ATXN1: variants seen among roughly 807,000 people sequenced by gnomAD.
ATXN1 encodes the protein ataxin 1.
Under a neutral mutation model 56.4 loss-of-function variants are expected in ATXN1, and 8 were observed. The ratio of observed to expected loss-of-function variants is 0.14; its 90% CI spans 0.08 to 0.26. The LOEUF (loss-of-function observed/expected upper bound fraction) is 0.26, where lower values mean the gene tolerates loss of function less well. Ranked by LOEUF, ATXN1 falls within the 10% of genes least tolerant of loss-of-function variation. The pLI is 1.00. For missense variants in ATXN1, 987 were observed against 1,106.5 expected, an observed-to-expected ratio of 0.89 and a Z score of 1.53; for synonymous variants, 514 against 494.6, an observed-to-expected ratio of 1.04 and a Z score of -0.52.
rs1203585669 is a variant in ATXN1 at position 16,303,943 on chromosome 6, A to G, written c.*2386T>C. The G allele has an allele frequency of 6.5e-6, 1 of 152,684 alleles. No homozygotes were observed. The highest frequency in any genetic ancestry group is 1.5e-5 in the Non-Finnish European group (1 of 68,052). 9.5% of individuals were successfully genotyped at this position (152,684 alleles called of 1,614,324 possible). A position where few individuals can be genotyped will look rare whatever the true frequency, so the allele number is the denominator to read the frequency against. ...CTCTGAACAGAAACGTTTAAAAAAT[A>G]CAGCACTAAATAAGCAGTATGACTG... On this transcript the variant is annotated 3_prime_UTR_variant, in exon 8 of 8. Coordinates refer to ENST00000436367, the MANE Select transcript of ATXN1 (RefSeq NM_001128164.2). The surrounding 1 kb of genome is among the most constrained non-coding windows in gnomAD (Gnocchi z 4.3).
chr6:16,612,589 A>G (rs1395430956), intron 3 of ATXN1, among the ~76,000 whole-genome samples: 2 of 152,136 alleles, frequency 1.3e-5, no homozygotes, highest in African/African-American at 2.4e-5. Flanking sequence ...TAAAAGATCA[A>G]CTCAATAAAT....
At chr6:16,607,746 T>C (rs1453488708) in intron 3 of ATXN1, among the ~76,000 whole-genome samples, 1 of 152,232 alleles carries the variant, frequency 6.6e-6, no homozygotes, top group Non-Finnish European at 1.5e-5. Flanking sequence ...AGATGGCTCT[T>C]TGCTCATTTT....
In ATXN1 at chr6:16,596,284, C is replaced by T. The variant is rs73728024; in HGVS notation, c.-488-10377G>A. On this transcript the variant is annotated intron_variant, in intron 3 of 7. Coordinates refer to ENST00000436367, the MANE Select transcript of ATXN1 (RefSeq NM_001128164.2). ...AGTGCTGGATAACAGGTGTGGCCAC[C>T]GTGCCCAGCCTCAGACCTCCTTTTC... Among the ~76,000 whole-genome samples the T allele has an allele frequency of 4.8e-3, 725 of 152,238 alleles. 5 individuals carry two copies. Among genetic ancestry groups the T allele is most frequent in the African/African-American group, 0.016 (683 of 41,538 alleles).
intron 2 of ATXN1, among the ~76,000 whole-genome samples, chr6:16,724,119 GT>G (rs1047683633): frequency 6.6e-6 from 1 of 152,172 alleles, no homozygotes; most frequent in African/African-American, 2.4e-5. Context: ...CAACTGATTG[GT>G]GAGGGAAGTA....
chr6:16,362,049 G>A (rs1174001423), intron 6 of ATXN1, among the ~76,000 whole-genome samples: 2 of 152,186 alleles, frequency 1.3e-5, no homozygotes, highest in Admixed American at 1.3e-4. Context: ...TTCCCTTGCT[G>A]GGTGAGCCGG....
intron 6 of ATXN1, among the ~76,000 whole-genome samples, chr6:16,409,913 C>T (rs913548734): frequency 6.6e-6 from 1 of 152,078 alleles, no homozygotes; most frequent in Non-Finnish European, 1.5e-5. Flanking sequence ...ATGCTGGTTG[C>T]GGGTTGAGCG....
chr6:16,370,054 TGTG>T (rs1470765377), intron 6 of ATXN1, among the ~76,000 whole-genome samples: 1 of 152,182 alleles, frequency 6.6e-6, no homozygotes, highest in East Asian at 1.9e-4. Context: ...GTGGTAATAA[TGTG>T]GTGACTGTCG....
intron 6 of ATXN1, chr6:16,432,691 C>A (rs576544278): frequency 6.6e-6 from 1 of 151,358 alleles, no homozygotes; most frequent in East Asian, 1.9e-4. Context: ...TTTCTTTTTT[C>A]TTTTCTTCTC....
chr6:16,617,320 T>C (rs1016960839), intron 3 of ATXN1, among the ~76,000 whole-genome samples: 1 of 152,088 alleles, frequency 6.6e-6, no homozygotes, highest in Non-Finnish European at 1.5e-5. Flanking sequence ...TGATATCTAA[T>C]CTATTAAATT....
At chr6:16,329,611 G>A (rs1401340835) in intron 6 of ATXN1, among the ~76,000 whole-genome samples, 3 of 152,208 alleles carry the variant, frequency 2.0e-5, no homozygotes, top group Non-Finnish European at 4.4e-5. Context: ...TGGGTTACAT[G>A]CTTGGTTTGT....
At chr6:16,337,686 T>A (rs375190045) in intron 6 of ATXN1, among the ~76,000 whole-genome samples, 1 of 152,354 alleles carries the variant, frequency 6.6e-6, no homozygotes, top group East Asian at 1.9e-4. Context: ...CCAGGTTAGC[T>A]ACCCGGGGGC....
intron 6 of ATXN1, among the ~76,000 whole-genome samples, chr6:16,432,411 A>G (rs1170890106): frequency 1.3e-5 from 2 of 152,242 alleles, no homozygotes; most frequent in Non-Finnish European, 2.9e-5. Flanking sequence ...TAGAACCTCT[A>G]TACTAAATGT....
intron 2 of ATXN1, among the ~76,000 whole-genome samples, chr6:16,679,046 A>G (rs1488364879): frequency 6.6e-6 from 1 of 152,170 alleles, no homozygotes; most frequent in Non-Finnish European, 1.5e-5. Flanking sequence ...CAAAAAAAAA[A>G]AAAGAAAGGA....
chr6:16,316,757 AAAAC>A (rs1337341882), intron 7 of ATXN1, among the ~76,000 whole-genome samples: 1 of 152,032 alleles, frequency 6.6e-6, no homozygotes, highest in African/African-American at 2.4e-5. Context: ...AAAAAAAACA[AAAAC>A]AAAACAAAAA....
chr6:16,487,340 A>G (rs922094880), intron 5 of ATXN1, among the ~76,000 whole-genome samples: 3 of 152,190 alleles, frequency 2.0e-5, no homozygotes, highest in Admixed American at 6.5e-5. Context: ...GAAAAAAAAC[A>G]AAAAAGAGTG....
chr6:16,427,612 GTTTGA>G, intron 6 of ATXN1, among the ~76,000 whole-genome samples: 1 of 152,174 alleles, frequency 6.6e-6, no homozygotes, highest in Non-Finnish European at 1.5e-5. Context: ...TGCCTCTAAA[GTTTGA>G]GCAGAACATC....
chr6:16,405,908 G>T (rs1758676806), intron 6 of ATXN1, among the ~76,000 whole-genome samples: 1 of 152,144 alleles, frequency 6.6e-6, no homozygotes, highest in Non-Finnish European at 1.5e-5. Flanking sequence ...TGGGAAGGAA[G>T]GCCGCACTGC....
chr6:16,357,882 G>C (rs1364144006), intron 6 of ATXN1, among the ~76,000 whole-genome samples: 2 of 152,196 alleles, frequency 1.3e-5, no homozygotes, highest in Non-Finnish European at 2.9e-5. Flanking sequence ...AGGAGGGGCA[G>C]ATAATAAAGC....
At chr6:16,313,299 G>A (rs1033774048) in intron 7 of ATXN1, among the ~76,000 whole-genome samples, 1 of 152,122 alleles carries the variant, frequency 6.6e-6, no homozygotes, top group African/African-American at 2.4e-5. Flanking sequence ...GTGGTGAGCA[G>A]CCAAACCTAA....
Sources: gnomAD v4.1 joint callset for allele counts (sites outside exome capture counted in the v4.1 genomes callset) on GRCh38, gnomAD v4.1.1 for gene constraint, Gnocchi (gnomAD v3.1) non-coding constraint, MANE v1.5 for transcripts, NCBI Gene and HGNC (gene_info 2026-07-23, HGNC 2026-07-21) for gene names.